Variants in CAMTA1 observed in about 807,000 individuals in gnomAD.
CAMTA1 encodes calmodulin binding transcription activator 1.
CAMTA1 carries 27 observed loss-of-function variants against 170.9 expected under a neutral mutation model. The observed-to-expected ratio is 0.16, with a 90% CI of 0.12 to 0.22. The LOEUF (loss-of-function observed/expected upper bound fraction) is 0.22, where lower values mean the gene tolerates loss of function less well. CAMTA1 is among the 10% of genes least tolerant of loss of function. The probability of loss-of-function intolerance (pLI) is 1.00; values close to 1 mark genes in which losing one functional copy is unlikely to be tolerated. For missense variants in CAMTA1, 1,619 were observed against 2,217.2 expected, an observed-to-expected ratio of 0.73 and a Z score of 5.42; for synonymous variants, 833 against 891.5, an observed-to-expected ratio of 0.93 and a Z score of 1.17.
chr1:7,099,107 C>T (rs537317691), intron 4 of CAMTA1, among the ~76,000 whole-genome samples: 12 of 152,090 alleles, frequency 7.9e-5, no homozygotes, highest in Admixed American at 2.0e-4. Flanking sequence ...GGAGTGCAAT[C>T]GTGTGATCTC....
At chr1:6,902,077 A>AAAAAAAAAAT (rs1385758257) in intron 3 of CAMTA1, among the ~76,000 whole-genome samples, 1 of 70,874 alleles carries the variant, frequency 1.4e-5, no homozygotes, top group African/African-American at 3.5e-5. Flanking sequence ...ACACACAAAA[A>AAAAAAAAAAT]AAAAAATAAA....
rs140251932 is a variant in CAMTA1, at chr1:7,319,326, G to T, written c.438+69700G>T. On this transcript the variant is annotated intron_variant, in intron 5 of 22. Coordinates refer to ENST00000303635, the MANE Select transcript of CAMTA1 (RefSeq NM_015215.4). The stretch of plus-strand genomic sequence containing the variant: ...GCCTGGTGGGAGGTGATTTGATCAT[G>T]GGGGCAGATTCCCCCTTGGTGCTAT... Among the ~76,000 whole-genome samples, 42 of 152,244 alleles carry T rather than the reference G, an allele frequency of 2.8e-4. 1 individual carries two copies. In the East Asian group the frequency reaches 8.1e-3, roughly 29 times the overall value.
At chr1:7,369,480 T>C (rs1395705538) in intron 5 of CAMTA1, among the ~76,000 whole-genome samples, 1 of 152,112 alleles carries the variant, frequency 6.6e-6, no homozygotes, top group African/African-American at 2.4e-5. Flanking sequence ...GTTATGCGTG[T>C]GGTTAAGGCT....
intron 5 of CAMTA1, among the ~76,000 whole-genome samples, chr1:7,256,076 A>G (rs7547519): frequency 0.75 from 114,664 of 152,046 alleles, 43,680 homozygotes; most frequent in African/African-American, 0.85. Flanking sequence ...CTGCTGGTAT[A>G]CTAACAAGTT....
At chr1:7,114,543 C>T in intron 4 of CAMTA1, among the ~76,000 whole-genome samples, 1 of 152,102 alleles carries the variant, frequency 6.6e-6, no homozygotes, top group Non-Finnish European at 1.5e-5. Flanking sequence ...TCCTGGGCTG[C>T]ATGTGGCCTG....
chr1:7,074,402 T>C (rs1639033681), intron 3 of CAMTA1, among the ~76,000 whole-genome samples: 1 of 152,200 alleles, frequency 6.6e-6, no homozygotes, highest in Admixed American at 6.5e-5. Flanking sequence ...ACATACTAAT[T>C]GTAGAAAAAT....
chr1:7,078,705 A>C (rs1639633934), intron 3 of CAMTA1, among the ~76,000 whole-genome samples: 1 of 152,252 alleles, frequency 6.6e-6, no homozygotes, highest in Non-Finnish European at 1.5e-5. Context: ...CTGTGAAATA[A>C]ATATTTTCAG....
At chr1:7,613,111 C>G (rs1011779051) in intron 6 of CAMTA1, among the ~76,000 whole-genome samples, 33 of 152,304 alleles carry the variant, frequency 2.2e-4, no homozygotes, top group African/African-American at 7.7e-4. Context: ...ACCCATGACC[C>G]AAGGATTGCA....
chr1:7,365,439 C>G (rs781284867), intron 5 of CAMTA1, among the ~76,000 whole-genome samples: 5 of 152,210 alleles, frequency 3.3e-5, no homozygotes, highest in Non-Finnish European at 7.3e-5. Flanking sequence ...TTAAAACCTC[C>G]TGTTCATATT....
chr1:7,306,381 T>C lies in CAMTA1; in HGVS notation c.438+56755T>C, dbSNP rs534216567. On this transcript the variant is annotated intron_variant, in intron 5 of 22. Transcript: ENST00000303635. ...TGTCTTATTGTTCTAATACCACTTA[T>C]TGAAAAAAAAATCTTCTCCATTGAA... Among the ~76,000 whole-genome samples the C allele has an allele frequency of 2.6e-5, 4 of 151,972 alleles. No individual in the cohort carries two copies. In the East Asian group the frequency reaches 5.8e-4, roughly 22 times the overall value.
intron 5 of CAMTA1, among the ~76,000 whole-genome samples, chr1:7,428,365 G>A (rs1048449795): frequency 2.6e-5 from 4 of 152,182 alleles, no homozygotes; most frequent in African/African-American, 4.8e-5. Flanking sequence ...GGGATCTTTG[G>A]GGTGGGGGCT....
chr1:7,145,257 G>A (rs1185264504), intron 4 of CAMTA1, among the ~76,000 whole-genome samples: 1 of 152,186 alleles, frequency 6.6e-6, no homozygotes, highest in Non-Finnish European at 1.5e-5. Flanking sequence ...GCTCCTCTGC[G>A]GCTTATGTGG....
rs561153197 is a variant in CAMTA1 at position 7,336,230 on chromosome 1, G to C, written c.438+86604G>C. 2.0e-5 allele frequency among the ~76,000 whole-genome samples: 3 copies of C among 152,346 alleles called. No homozygotes were observed. The South Asian group carries it at 6.2e-4, about 32-fold the overall frequency. ...CCCATGAAGCCCTGAGATGCCAGGA[G>C]CTCTACTGGCTGTGGCCTGGGGCTG... On this transcript the variant is annotated intron_variant, in intron 5 of 22. Transcript: ENST00000303635.
intron 6 of CAMTA1, among the ~76,000 whole-genome samples, chr1:7,613,926 T>G (rs1400015957): frequency 1.9e-4 from 9 of 47,430 alleles, no homozygotes; most frequent in Non-Finnish European, 2.9e-4. Context: ...AGGAGAGAGA[T>G]GGTGGGGGGG....
chr1:6,975,810 C>T (rs926096525), intron 3 of CAMTA1, among the ~76,000 whole-genome samples: 3 of 152,230 alleles, frequency 2.0e-5, no homozygotes, highest in East Asian at 1.9e-4. Context: ...CCCCCAAGCC[C>T]CCAACTTCCT....
chr1:7,091,112 G>A (rs1182603334), intron 3 of CAMTA1, among the ~76,000 whole-genome samples, 192 bp from the exon 4 acceptor site: 2 of 152,102 alleles, frequency 1.3e-5, no homozygotes, highest in African/African-American at 2.4e-5. Flanking sequence ...TTACTACCGT[G>A]TGACAGGTTG....
rs1016398607 is a variant in CAMTA1, at chr1:7,092,241, G to A, written c.302+870G>A. 1.3e-5 allele frequency among the ~76,000 whole-genome samples: 2 copies of A among 152,312 alleles called. No homozygotes were observed. The highest frequency in any genetic ancestry group is 1.9e-4 in the East Asian group (1 of 5,180). On this transcript the variant is annotated intron_variant, in intron 4 of 22. Transcript: ENST00000303635. The surrounding 1 kb of genome is among the most constrained non-coding windows in gnomAD (Gnocchi z 5.0). ...TGGTGGAATGTCCAGTTGGTTTCAC[G>A]TTGGACAGAAGCCCCAGAGTCCCCA...
In CAMTA1 at chr1:7,333,543, C is replaced by A. The variant is rs1288880018; in HGVS notation, c.438+83917C>A. ...AAATGTCAGGGGCTCCTGCCATGCG[C>A]AGCCAAGGCATTGGATCTTCATATT... On this transcript the variant is annotated intron_variant, in intron 5 of 22. Transcript: ENST00000303635. The surrounding 1 kb of genome is among the most constrained non-coding windows in gnomAD (Gnocchi z 4.4). Among the ~76,000 whole-genome samples, 1 of 152,206 alleles carries A rather than the reference C, an allele frequency of 6.6e-6. No homozygotes were observed. The highest frequency in any genetic ancestry group is 1.5e-5 in the Non-Finnish European group (1 of 68,044).
At chr1:6,919,274 C>G (rs779026967) in intron 3 of CAMTA1, among the ~76,000 whole-genome samples, 6 of 152,142 alleles carry the variant, frequency 3.9e-5, no homozygotes, top group Non-Finnish European at 7.4e-5. Context: ...TCCTGCAGCC[C>G]TGCTGGGCCT....
Sources: allele counts gnomAD v4.1 joint callset (sites outside exome capture counted in the v4.1 genomes callset), GRCh38; gene constraint gnomAD v4.1.1; non-coding constraint Gnocchi (gnomAD v3.1); transcripts MANE v1.5; gene names NCBI Gene and HGNC (gene_info 2026-07-23, HGNC 2026-07-21).